Variants in COL4A4 observed in about 807,000 individuals in gnomAD.
COL4A4 encodes the protein collagen type IV alpha 4 chain, also known as collagen alpha-4(IV) chain.
COL4A4 carries 105 observed loss-of-function variants against 192.9 expected under a neutral mutation model. That is an observed-to-expected ratio of 0.54 (90% confidence interval 0.46 to 0.64). The LOEUF (loss-of-function observed/expected upper bound fraction) is 0.64, where lower values mean the gene tolerates loss of function less well. COL4A4 is among the 30% of genes least tolerant of loss of function. The pLI is 0.00. For missense variants in COL4A4, 1,967 were observed against 2,169.3 expected (o/e 0.91, Z 1.85); for synonymous variants, 762 against 769.9 (o/e 0.99, Z 0.17).
At chr2:227,138,133 A>AAATAATAATAATAAT (rs35550127) in intron 4 of COL4A4, among the ~76,000 whole-genome samples, 2,732 of 147,132 alleles carry the variant, frequency 0.019, 57 homozygotes, top group Non-Finnish European at 0.02. Context: ...CCACCTCTAC[A>AAATAATAATAATAAT]AATAATAATA....
At chr2:226,978,468 C>A in the COL4A4 span, among the ~76,000 whole-genome samples, 1 of 152,068 alleles carries the variant, frequency 6.6e-6, no homozygotes, top group Admixed American at 6.6e-5. Context: ...TGGACCATAC[C>A]GTTTTCTGGT....
At chr2:227,055,879 TCTTCA>T in intron 30 of COL4A4, 61 bp downstream of exon 30, 1 of 1,436,054 alleles carries the variant, frequency 7.0e-7, no homozygotes, top group Non-Finnish European at 9.7e-7. Flanking sequence ...ATCTGTCCAG[TCTTCA>T]CTTGGCAGTG....
intron 18 of COL4A4, 99 bp downstream of exon 18, chr2:227,099,521 G>T: frequency 9.4e-7 from 1 of 1,060,516 alleles, no homozygotes; most frequent in Non-Finnish European, 1.5e-6. Flanking sequence ...AGCCTGCCTA[G>T]TGTGCAAGCT....
chr2:227,059,665 A>C (rs1283906108), intron 27 of COL4A4, 42 bp from the exon 28 acceptor site: 1 of 1,430,046 alleles, frequency 7.0e-7, no homozygotes. Context: ...TAACATGTGC[A>C]AGTATAGAAC....
intron 37 of COL4A4, among the ~76,000 whole-genome samples, chr2:227,041,849 AGAAAGAAAGAAAGAAAGAAAGAAAG>A (rs1971323290): frequency 1.0e-4 from 3 of 29,974 alleles, no homozygotes; most frequent in African/African-American, 5.8e-4. Context: ...AGAAAGAAAG[AGAAAGAAAGAAAGAAAGAAAGAAAG>A]AAAGAAAGAA....
At chr2:227,035,941 A>T (rs572022678) in intron 37 of COL4A4, among the ~76,000 whole-genome samples, 1 of 152,274 alleles carries the variant, frequency 6.6e-6, no homozygotes, top group South Asian at 2.1e-4. Flanking sequence ...ACCCAATGTT[A>T]TCGTTCTAAA....
At chr2:226,990,308 AAG>A in the COL4A4 span, among the ~76,000 whole-genome samples, 1 of 152,188 alleles carries the variant, frequency 6.6e-6, no homozygotes, top group African/African-American at 2.4e-5. Context: ...ACATTCTTGA[AAG>A]AGAGAACATG....
At chr2:227,164,485 A>C (rs944139711), upstream of COL4A4, 4 of 571,900 alleles carry the variant, frequency 7.0e-6, no homozygotes, top group African/African-American at 8.0e-5. The surrounding 1 kb of genome is among the most constrained non-coding windows in gnomAD (Gnocchi z 4.8). Context: ...CTGCCTGGTA[A>C]GTTGGGAGGG....
intron 7 of COL4A4, among the ~76,000 whole-genome samples, chr2:227,117,319 G>C (rs1241033545): frequency 1.3e-5 from 2 of 152,196 alleles, no homozygotes; most frequent in African/African-American, 4.8e-5. Flanking sequence ...TGAATCTGTA[G>C]AATGAGGTTT....
At chr2:226,980,548 T>G in the COL4A4 span, among the ~76,000 whole-genome samples, 1 of 152,228 alleles carries the variant, frequency 6.6e-6, no homozygotes, top group Admixed American at 6.5e-5. Flanking sequence ...CCTCGTGTTC[T>G]GGAAATGCAT....
intron 25 of COL4A4, among the ~76,000 whole-genome samples, chr2:227,067,605 T>C (rs1373838363): frequency 6.6e-6 from 1 of 152,034 alleles, no homozygotes; most frequent in African/African-American, 2.4e-5. Flanking sequence ...AACAACCTGC[T>C]CCTGAATGAC....
In COL4A4 at chr2:227,094,138, G is replaced by A. The variant is rs2150685653; in HGVS notation, c.1356C>T (p.Leu452=). The A allele has an allele frequency of 6.2e-7, 1 of 1,613,720 alleles. No homozygotes were observed. The highest frequency in any genetic ancestry group is 8.5e-7 in the Non-Finnish European group (1 of 1,179,810). ...GGAGTACTTTACCACTTGATCCTGG[G>A]AGGCCCTGCAGGCCTGGTGCTCCAG... ...GLPGAPGLQG[L]PGSSVIYCSV... is the part of the protein sequence containing the mutation. The change falls in exon 20 of 48, where the codon CTC becomes CTT. Residue 452 remains leucine (L), a synonymous_variant. Transcript: ENST00000396625.
chr2:226,968,605 T>G, the COL4A4 span, among the ~76,000 whole-genome samples: 3 of 152,214 alleles, frequency 2.0e-5, no homozygotes, highest in African/African-American at 7.2e-5. Context: ...TTAGCCCACT[T>G]GACACACAAA....
the COL4A4 span, among the ~76,000 whole-genome samples, chr2:226,973,855 A>G: frequency 1.2e-4 from 19 of 152,200 alleles, no homozygotes; most frequent in African/African-American, 4.3e-4. Flanking sequence ...GAGTAAGGCT[A>G]CTGTGTGTTA....
At chr2:227,038,483 T>C (rs1449353728) in intron 37 of COL4A4, among the ~76,000 whole-genome samples, 1 of 152,220 alleles carries the variant, frequency 6.6e-6, no homozygotes, top group Non-Finnish European at 1.5e-5. Context: ...TGTACTATAG[T>C]TTGAAATCAG....
the COL4A4 span, among the ~76,000 whole-genome samples, chr2:226,976,016 A>G: frequency 1.3e-5 from 2 of 151,872 alleles, no homozygotes; most frequent in Admixed American, 6.6e-5. Context: ...CCCCATTAGC[A>G]TAGCAGGGCC....
the COL4A4 span, among the ~76,000 whole-genome samples, chr2:226,968,606 G>T: frequency 6.6e-6 from 1 of 152,166 alleles, no homozygotes; most frequent in African/African-American, 2.4e-5. Flanking sequence ...TAGCCCACTT[G>T]ACACACAAAA....
intron 33 of COL4A4, 41 bp downstream of exon 33, chr2:227,050,936 G>T (rs1166643761): frequency 1.4e-5 from 22 of 1,612,214 alleles, no homozygotes; most frequent in Non-Finnish European, 1.9e-5. Flanking sequence ...AGAACAGAAA[G>T]GTTTTATTGT....
intron 42 of COL4A4, 93 bp downstream of exon 42, chr2:227,027,809 T>C: frequency 3.3e-6 from 3 of 904,546 alleles, no homozygotes; most frequent in Admixed American, 3.4e-5. Flanking sequence ...ATAATAAGAA[T>C]GTGCTAGTAA....
Sources: allele counts gnomAD v4.1 joint callset (sites outside exome capture counted in the v4.1 genomes callset), GRCh38; gene constraint gnomAD v4.1.1; non-coding constraint Gnocchi (gnomAD v3.1); transcripts MANE v1.5; gene names NCBI Gene and HGNC (gene_info 2026-07-23, HGNC 2026-07-21).